Variants in SMPDL3B observed in about 807,000 individuals in gnomAD.
SMPDL3B encodes acid sphingomyelinase-like phosphodiesterase 3b.
Under a neutral mutation model 37.9 loss-of-function variants are expected in SMPDL3B, and 31 were observed. The observed-to-expected ratio is 0.82, with a 90% CI of 0.61 to 1.10. The LOEUF (loss-of-function observed/expected upper bound fraction) is 1.10. Ranked by LOEUF, SMPDL3B falls within the 50% of genes least tolerant of loss-of-function variation. The probability of loss-of-function intolerance (pLI) is 0.00; values close to 1 mark genes in which losing one functional copy is unlikely to be tolerated. For missense variants in SMPDL3B, 525 were observed against 597.8 expected (o/e 0.88, Z 1.27); for synonymous variants, 235 against 242.6 (o/e 0.97, Z 0.29).
Position 27,955,815 on chromosome 1 carries a change from C to G in SMPDL3B, c.822C>G (p.Phe274Leu), listed in dbSNP as rs2090496166. ...RKHHRVIAGQ[F>L]FGHHHTDSFR... The stretch of plus-strand genomic sequence containing the variant: ...ATCATCGCGTCATAGCAGGGCAGTT[C>G]TTCGGGCACCACCACACCGACAGCT... Residue 274 changes from phenylalanine (F) to leucine (L), a missense_variant, in exon 6 of 8, where the codon TTC (phenylalanine) becomes TTG (leucine). Coordinates refer to ENST00000373894, the MANE Select transcript of SMPDL3B (RefSeq NM_014474.4). 1 of 1,614,136 alleles carries G rather than the reference C, an allele frequency of 6.2e-7. No homozygotes were observed. Among genetic ancestry groups the G allele is most frequent in the Non-Finnish European group, 8.5e-7 (1 of 1,180,012 alleles).
At chr1:27,935,303 G>A (rs569091155) in intron 1 of SMPDL3B, 59 bp downstream of exon 1, 116 of 1,332,696 alleles carry the variant, frequency 8.7e-5, no homozygotes, top group South Asian at 5.1e-4. Context: ...CTGGGGCTGC[G>A]GGAAGCTGCT....
In SMPDL3B at chr1:27,956,813, C is replaced by T. The variant is rs1158519685; in HGVS notation, c.1005+731C>T. Among the ~76,000 whole-genome samples, 10 of 152,008 alleles carry T rather than the reference C, an allele frequency of 6.6e-5. No homozygotes were observed. In the Middle Eastern group the frequency reaches 0.01, roughly 155 times the overall value. On this transcript the variant is annotated intron_variant, in intron 7 of 7. Transcript: ENST00000373894. Reference sequence around the variant, plus strand: ...TAAGGAGAAAATCAAAACAGTGAGGCGACAGGGTGACAGCTATGGGAGGTG... The same window carrying T: ...TAAGGAGAAAATCAAAACAGTGAGGTGACAGGGTGACAGCTATGGGAGGTG...
rs201886459 is a variant in SMPDL3B, at chr1:27,958,438, A to G, written c.1006-38A>G. 5 of 1,560,636 alleles carry G rather than the reference A, an allele frequency of 3.2e-6. No homozygotes were observed. The highest frequency in any genetic ancestry group is 4.4e-6 in the Non-Finnish European group (5 of 1,148,108). ...TGCAGGATGGGGATGGAAGCAGACA[A>G]CTGCTCACAGCCGGTCTACCCCAAA... is the stretch of plus-strand genomic sequence containing the variant. On this transcript the variant is annotated intron_variant, in intron 7 of 7. Coordinates refer to ENST00000373894, the MANE Select transcript of SMPDL3B (RefSeq NM_014474.4). This position sits in a 1 kb window ranked among gnomAD's most constrained non-coding sequence, Gnocchi z 5.6.
At chr1:27,946,313 A>G (rs1277772144) in intron 2 of SMPDL3B, among the ~76,000 whole-genome samples, 1 of 151,632 alleles carries the variant, frequency 6.6e-6, no homozygotes, top group Non-Finnish European at 1.5e-5. Context: ...AGATCACACC[A>G]CTACACTCCC....
At chr1:27,952,661 T>A (rs923086865) in intron 3 of SMPDL3B, among the ~76,000 whole-genome samples, 4 of 152,176 alleles carry the variant, frequency 2.6e-5, no homozygotes, top group African/African-American at 7.2e-5. Flanking sequence ...GGCCATTCCC[T>A]TTCTGTGACA....
intron 1 of SMPDL3B, among the ~76,000 whole-genome samples, chr1:27,942,778 C>A (rs751397792): frequency 4.5e-4 from 68 of 152,224 alleles, no homozygotes; most frequent in Non-Finnish European, 7.5e-4. Context: ...ATTCTCCTGC[C>A]TCAGCCTCCT....
chr1:27,945,538 T>G lies in SMPDL3B; in HGVS notation c.275+93T>G. The G allele has an allele frequency of 9.9e-7, 1 of 1,012,636 alleles. No homozygotes were observed. Among genetic ancestry groups the G allele is most frequent in the Non-Finnish European group, 1.5e-6 (1 of 655,388 alleles). 62.7% of individuals were successfully genotyped at this position (1,012,636 alleles called of 1,614,324 possible). On this transcript the variant is annotated intron_variant, in intron 2 of 7. Coordinates refer to ENST00000373894, the MANE Select transcript of SMPDL3B (RefSeq NM_014474.4). This position sits in a 1 kb window ranked among gnomAD's most constrained non-coding sequence, Gnocchi z 4.0. ...CCTTTGCCCACATTATCTCCCTTAA[T>G]CCTCACATCAGTCTCACGTGAGGCT...
Position 27,945,265 on chromosome 1 carries a change from A to T in SMPDL3B, c.95A>T (p.Asp32Val), listed in dbSNP as rs748200088. The change falls in exon 2 of 8, where the codon GAC (aspartate) becomes GTC (valine). Residue 32 changes from aspartate to valine, a missense_variant. By Grantham distance (152) the Asp-to-Val change is radical. Coordinates refer to ENST00000373894, the MANE Select transcript of SMPDL3B (RefSeq NM_014474.4). This position sits in a 1 kb window ranked among gnomAD's most constrained non-coding sequence, Gnocchi z 4.0. ...TGGCACATCGCTGACCTGCACCTTG[A>T]CCCTGACTACAAGGTATCCAAAGAC... ...KFWHIADLHL[D>V]PDYKVSKDPF... 6.2e-7 allele frequency: 1 copy of T among 1,614,052 alleles called. No homozygotes were observed. The highest frequency in any genetic ancestry group is 1.3e-5 in the African/African-American group (1 of 75,000).
chr1:27,955,794 T>C lies in SMPDL3B; in HGVS notation c.801T>C (p.His267=). The C allele has an allele frequency of 6.2e-7, 1 of 1,614,142 alleles. No individual in the cohort carries two copies. The highest frequency in any genetic ancestry group is 8.5e-7 in the Non-Finnish European group (1 of 1,180,016). ...EKYLKVVRKH[H]RVIAGQFFGH... is the part of the protein sequence containing the mutation. ...ACCTGAAGGTGGTCCGGAAGCATCA[T>C]CGCGTCATAGCAGGGCAGTTCTTCG... Residue 267 remains histidine, a synonymous_variant, in exon 6 of 8, where the codon CAT becomes CAC. Transcript: ENST00000373894.
chr1:27,954,657 C>G, intron 5 of SMPDL3B, 131 bp downstream of exon 5: 2 of 792,838 alleles, frequency 2.5e-6, no homozygotes, highest in Non-Finnish European at 4.1e-6. Context: ...CCGGCACCAG[C>G]AGAGGGCTTC....
At chr1:27,941,380 C>T (rs1170516968) in intron 1 of SMPDL3B, 3 of 152,232 alleles carry the variant, frequency 2.0e-5, no homozygotes, top group Admixed American at 6.5e-5. Flanking sequence ...GGCACCTATC[C>T]AACACTGTCT....
intron 3 of SMPDL3B, among the ~76,000 whole-genome samples, chr1:27,949,738 T>C (rs1019275830): frequency 3.3e-5 from 5 of 152,010 alleles, no homozygotes; most frequent in Non-Finnish European, 5.9e-5. Flanking sequence ...TTTAAAGCAG[T>C]CTGCACCGAA....
chr1:27,936,227 G>A (rs1299015884), intron 1 of SMPDL3B, among the ~76,000 whole-genome samples: 1 of 152,034 alleles, frequency 6.6e-6, no homozygotes, highest in African/African-American at 2.4e-5. Context: ...TGAGGAGGGT[G>A]GATTGCTTGA....
At chr1:27,941,776 G>C (rs2090361335) in intron 1 of SMPDL3B, among the ~76,000 whole-genome samples, 1 of 152,166 alleles carries the variant, frequency 6.6e-6, no homozygotes, top group Non-Finnish European at 1.5e-5. Flanking sequence ...GCGTAGTCAG[G>C]GAAGAGGCCC....
chr1:27,948,919 C>A, intron 2 of SMPDL3B, 146 bp from the exon 3 acceptor site: 1 of 1,475,248 alleles, frequency 6.8e-7, no homozygotes, highest in Non-Finnish European at 9.2e-7. Context: ...TCCCATCTGA[C>A]TCCACTCTAG....
intron 3 of SMPDL3B, among the ~76,000 whole-genome samples, chr1:27,952,581 C>T (rs1177235786): frequency 3.3e-5 from 5 of 152,222 alleles, no homozygotes; most frequent in African/African-American, 1.2e-4. Flanking sequence ...AGGCCTCATT[C>T]ACAGGCCCCT....
rs61250353 is a variant in SMPDL3B, at chr1:27,953,389, A to T, written c.517+31A>T. Reference sequence around the variant, plus strand: ...AACACCACCTGCTCCTATCAAGAGCACTTACTGTATGCCAGGGTCTGATCT... The same window carrying T: ...AACACCACCTGCTCCTATCAAGAGCTCTTACTGTATGCCAGGGTCTGATCT... On this transcript the variant is annotated intron_variant, in intron 4 of 7. Transcript: ENST00000373894. 3 of 1,579,770 alleles carry T rather than the reference A, an allele frequency of 1.9e-6. No homozygotes were observed. The Admixed American group carries it at 5.5e-5, about 29-fold the overall frequency.
At chr1:27,944,012 C>CAAA (rs5773206) in intron 1 of SMPDL3B, among the ~76,000 whole-genome samples, 1 of 92,322 alleles carries the variant, frequency 1.1e-5, no homozygotes. Context: ...AACTCTGTCT[C>CAAA]AAAAAAAAAA....
chr1:27,946,182 G>A (rs112712417), intron 2 of SMPDL3B, among the ~76,000 whole-genome samples: 153 of 151,938 alleles, frequency 1.0e-3, no homozygotes, highest in South Asian at 9.2e-3. Flanking sequence ...GTGAAACCCC[G>A]TCTCTACTAA....
Sources: gnomAD v4.1 joint callset for allele counts (sites outside exome capture counted in the v4.1 genomes callset) on GRCh38, gnomAD v4.1.1 for gene constraint, Gnocchi (gnomAD v3.1) non-coding constraint, MANE v1.5 for transcripts, NCBI Gene and HGNC (gene_info 2026-07-23, HGNC 2026-07-21) for gene names.